ADCY2: variants seen among roughly 807,000 people sequenced by gnomAD.
ADCY2 encodes adenylate cyclase type 2.
In ADCY2, 31 loss-of-function variants were observed where a neutral mutation model predicts 125.2. That is an observed-to-expected ratio of 0.25 (90% CI 0.19 to 0.33). The LOEUF is 0.33. Among genes scored for constraint, ADCY2 ranks in the 10% least tolerant of loss-of-function variants. ADCY2 has a pLI of 1.00. For missense variants in ADCY2, 904 were observed against 1,418.2 expected (o/e 0.64, Z 5.82); for synonymous variants, 512 against 548.4 (o/e 0.93, Z 0.93).
intron 3 of ADCY2, among the ~76,000 whole-genome samples, chr5:7,584,826 TGTGGAC>T (rs1736570018): frequency 6.6e-6 from 1 of 152,180 alleles, no homozygotes; most frequent in Non-Finnish European, 1.5e-5. Flanking sequence ...GATGCACTTT[TGTGGAC>T]GCAAATTTGC....
intron 4 of ADCY2, among the ~76,000 whole-genome samples, chr5:7,689,512 C>G (rs1224175914): frequency 6.6e-6 from 1 of 152,096 alleles, no homozygotes; most frequent in East Asian, 1.9e-4. Context: ...TTGCCTTTGC[C>G]CTTGTCTTTC....
intron 3 of ADCY2, among the ~76,000 whole-genome samples, chr5:7,594,229 G>C (rs1040055134): frequency 4.6e-5 from 7 of 152,164 alleles, no homozygotes; most frequent in African/African-American, 1.7e-4. Context: ...CCAGACGAGA[G>C]GTGATGGTGG....
At chr5:7,616,447 C>T (rs1737765967) in intron 3 of ADCY2, among the ~76,000 whole-genome samples, 2 of 152,120 alleles carry the variant, frequency 1.3e-5, no homozygotes, top group Admixed American at 1.3e-4. Flanking sequence ...TTGTTGAGTT[C>T]TATTGTTGGC....
intron 1 of ADCY2, among the ~76,000 whole-genome samples, chr5:7,406,061 T>C (rs1335243090): frequency 6.6e-6 from 1 of 151,956 alleles, no homozygotes; most frequent in Non-Finnish European, 1.5e-5. Context: ...AGTTTTGCCA[T>C]ATTGCCCAGG....
At chr5:7,455,222 C>T (rs1741625782) in intron 2 of ADCY2, among the ~76,000 whole-genome samples, 1 of 152,122 alleles carries the variant, frequency 6.6e-6, no homozygotes, top group Non-Finnish European at 1.5e-5. Context: ...GCTAAGGCAC[C>T]ACAGTTAGAC....
chr5:7,757,386 C>G lies in ADCY2; in HGVS notation c.1957-63C>G. The G allele has an allele frequency of 3.2e-6, 5 of 1,573,062 alleles. No homozygotes were observed. In the South Asian group the frequency reaches 5.9e-5, roughly 19 times the overall value. The stretch of plus-strand genomic sequence containing the variant: ...TTCTTGTGGTTGTAAACATTGTCAT[C>G]AAGAAACTGGAGAGAAGTCATCAGC... On this transcript the variant is annotated intron_variant, in intron 15 of 24. Coordinates refer to ENST00000338316, the MANE Select transcript of ADCY2 (RefSeq NM_020546.3).
intron 2 of ADCY2, among the ~76,000 whole-genome samples, chr5:7,479,110 A>T (rs1351215476): frequency 1.3e-5 from 2 of 152,138 alleles, no homozygotes; most frequent in African/African-American, 4.8e-5. Context: ...TCTAAAGTAG[A>T]TTATTATATA....
At chr5:7,684,775 C>CTTT (rs10662818) in intron 4 of ADCY2, among the ~76,000 whole-genome samples, 50,039 of 141,132 alleles carry the variant, frequency 0.35, 10,716 homozygotes, top group East Asian at 0.79. Context: ...TCTGTTGTGC[C>CTTT]TTTTTTTTTT....
chr5:7,436,380 C>A (rs1740800943), intron 2 of ADCY2, among the ~76,000 whole-genome samples: 1 of 152,222 alleles, frequency 6.6e-6, no homozygotes, highest in Non-Finnish European at 1.5e-5. Context: ...TTGCTGACTT[C>A]ACATTCTATC....
At chr5:7,635,767 G>C (rs1561137388) in intron 4 of ADCY2, among the ~76,000 whole-genome samples, 1 of 152,178 alleles carries the variant, frequency 6.6e-6, no homozygotes, top group Non-Finnish European at 1.5e-5. Flanking sequence ...ATTTGAGCAG[G>C]AATAGAGGAA....
intron 3 of ADCY2, among the ~76,000 whole-genome samples, chr5:7,566,356 C>T (rs964507072): frequency 6.6e-6 from 1 of 152,092 alleles, no homozygotes; most frequent in Non-Finnish European, 1.5e-5. Context: ...ATTAGCCAGG[C>T]ATGGTGATGC....
chr5:7,503,702 A>G (rs1195575839), intron 2 of ADCY2, among the ~76,000 whole-genome samples: 1 of 152,226 alleles, frequency 6.6e-6, no homozygotes, highest in Admixed American at 6.5e-5. Context: ...GAGAGGAAGA[A>G]AGCATGGCCC....
Position 7,702,950 on chromosome 5 carries a change from G to A in ADCY2, c.1110-3794G>A, listed in dbSNP as rs951930947. On this transcript the variant is annotated intron_variant, in intron 7 of 24. Transcript: ENST00000338316. ...TGGTGTGAGTTGGTATCTCATTGTG[G>A]TTTTGATTTACATTTCTCTGATGGC... Among the ~76,000 whole-genome samples, 45 of 152,180 alleles carry A rather than the reference G, an allele frequency of 3.0e-4. 1 individual carries two copies. The highest frequency in any genetic ancestry group is 1.1e-3 in the African/African-American group (44 of 41,434).
chr5:7,742,229 G>C (rs758151348), intron 14 of ADCY2, among the ~76,000 whole-genome samples: 1 of 151,942 alleles, frequency 6.6e-6, no homozygotes, highest in Non-Finnish European at 1.5e-5. Context: ...CTTTAGTCAT[G>C]AGGATAATGG....
chr5:7,816,740 C>T (rs1745124207), intron 22 of ADCY2, 126 bp from the exon 23 acceptor site: 2 of 688,272 alleles, frequency 2.9e-6, no homozygotes, highest in South Asian at 1.7e-5. Context: ...AGAATGTTTG[C>T]AGTGCCTTGT....
intron 4 of ADCY2, among the ~76,000 whole-genome samples, chr5:7,670,955 C>A (rs1412065515): frequency 1.3e-5 from 2 of 152,194 alleles, no homozygotes; most frequent in East Asian, 3.9e-4. Flanking sequence ...ATCTGCTATT[C>A]CATATCCCAT....
intron 2 of ADCY2, among the ~76,000 whole-genome samples, chr5:7,464,243 G>A (rs1263249533): frequency 5.9e-5 from 9 of 151,998 alleles, no homozygotes; most frequent in South Asian, 4.2e-4. Context: ...TCTCTCTCTC[G>A]GAGCTCTGCG....
intron 3 of ADCY2, among the ~76,000 whole-genome samples, chr5:7,565,545 G>C (rs1228484369): frequency 6.6e-6 from 1 of 152,184 alleles, no homozygotes; most frequent in African/African-American, 2.4e-5. Flanking sequence ...TTTGGAAACA[G>C]ACTGTGGCAA....
chr5:7,807,827 C>T (rs1336748673), intron 22 of ADCY2, among the ~76,000 whole-genome samples: 1 of 152,170 alleles, frequency 6.6e-6, no homozygotes, highest in Non-Finnish European at 1.5e-5. Context: ...CTACCTCTCC[C>T]TACAGTCTCT....
Sources: gnomAD v4.1 joint callset for allele counts (sites outside exome capture counted in the v4.1 genomes callset) on GRCh38, gnomAD v4.1.1 for gene constraint, MANE v1.5 for transcripts, NCBI Gene and HGNC (gene_info 2026-07-23, HGNC 2026-07-21) for gene names.